The following MLIP variants were observed in gnomAD, a reference collection of about 807,000 sequenced individuals.
MLIP encodes muscular LMNA interacting protein.
A neutral mutation model predicts 84.8 loss-of-function variants in MLIP; 79 were observed. The ratio of observed to expected loss-of-function variants is 0.93; its 90% confidence interval spans 0.78 to 1.12. The LOEUF is 1.12. Ranked by LOEUF, MLIP falls within the 50% of genes most tolerant of loss-of-function variation. MLIP has a pLI of 0.00. For synonymous variants in MLIP, 504 were observed against 463.0 expected (o/e 1.09, Z -1.14); for missense variants, 1,257 against 1,160.6 (o/e 1.08, Z -1.21).
intron 12 of MLIP, among the ~76,000 whole-genome samples, chr6:54,252,612 G>C (rs1437652039): frequency 6.7e-6 from 1 of 149,732 alleles, no homozygotes; most frequent in African/African-American, 2.5e-5. Context: ...CATGATAATA[G>C]GTAACCTCTG....
chr6:54,078,925 A>G (rs534772241), intron 1 of MLIP, among the ~76,000 whole-genome samples: 40 of 152,190 alleles, frequency 2.6e-4, no homozygotes, highest in South Asian at 1.5e-3. Flanking sequence ...TCCTGACCTC[A>G]GGTGATCTGC....
At chr6:54,168,538 A>C (rs1398872081) in intron 8 of MLIP, among the ~76,000 whole-genome samples, 1 of 151,792 alleles carries the variant, frequency 6.6e-6, no homozygotes, top group African/African-American at 2.4e-5. Context: ...GAACTCCTCA[A>C]TGGCAGGACA....
intron 12 of MLIP, among the ~76,000 whole-genome samples, chr6:54,252,088 AATAT>A (rs1271525147): frequency 1.3e-5 from 1 of 77,748 alleles, no homozygotes; most frequent in Admixed American, 2.1e-4. Flanking sequence ...ATATAATATA[AATAT>A]ATATTATAAC....
chr6:54,040,039 A>G (rs1764655820), intron 1 of MLIP, among the ~76,000 whole-genome samples: 1 of 152,014 alleles, frequency 6.6e-6, no homozygotes, highest in Non-Finnish European at 1.5e-5. Flanking sequence ...TGTGTTGAAC[A>G]TTGTAGAATT....
rs1457020245 is a variant in MLIP at position 54,137,472 on chromosome 6, G to T, written c.1403G>T (p.Ser468Ile). 1 of 1,535,946 alleles carries T rather than the reference G, an allele frequency of 6.5e-7. No individual in the cohort carries two copies. Residue 468 changes from serine (S) to isoleucine (I), a missense_variant, in exon 4 of 14, where the codon AGT (serine) becomes ATT (isoleucine). Ser to Ile is a moderately radical substitution (Grantham distance 142). Transcript: ENST00000502396. ...CCCACGCCTAAAAAATCTCTCTCAA[G>T]TTGTTCCCTGAGAGCCGGGTCACCA... ...TPPTPKKSLS[S>I]CSLRAGSPDQ... is the part of the protein sequence containing the mutation.
At chr6:54,185,939 C>A (rs1483828051) in intron 9 of MLIP, among the ~76,000 whole-genome samples, 1 of 152,132 alleles carries the variant, frequency 6.6e-6, no homozygotes, top group African/African-American at 2.4e-5. Flanking sequence ...GCACACTAAC[C>A]TGGCCCACAG....
chr6:54,170,973 AC>A (rs533400511), intron 9 of MLIP, among the ~76,000 whole-genome samples: 224 of 151,172 alleles, frequency 1.5e-3, no homozygotes, highest in African/African-American at 4.9e-3. Context: ...CAAGAGCCAG[AC>A]CCCCCAAAAA....
chr6:54,216,309 T>C (rs761369834), intron 11 of MLIP: 116 of 985,262 alleles, frequency 1.2e-4, no homozygotes, highest in Non-Finnish European at 1.4e-4. Context: ...TATGTTACTT[T>C]TGACTTCTTC....
chr6:54,122,633 T>G (rs757757505), intron 2 of MLIP, among the ~76,000 whole-genome samples: 21 of 152,188 alleles, frequency 1.4e-4, no homozygotes, highest in Non-Finnish European at 2.5e-4. Flanking sequence ...TCAATGCTGC[T>G]ATCTTCTTTC....
intron 11 of MLIP, among the ~76,000 whole-genome samples, chr6:54,208,084 T>G (rs917228955): frequency 6.6e-6 from 1 of 151,936 alleles, no homozygotes; most frequent in Admixed American, 6.6e-5. Flanking sequence ...GCTGAGATCG[T>G]GCCACTGCAC....
intron 11 of MLIP, chr6:54,217,184 A>G (rs1779912734): frequency 9.1e-6 from 9 of 985,296 alleles, no homozygotes; most frequent in Non-Finnish European, 9.6e-6. Flanking sequence ...ACTCAGACAG[A>G]AAACCGCAGC....
At chr6:54,220,440 C>T (rs1780142895) in intron 11 of MLIP, among the ~76,000 whole-genome samples, 1 of 152,116 alleles carries the variant, frequency 6.6e-6, no homozygotes, top group Admixed American at 6.5e-5. Context: ...CCCAATTCAG[C>T]TGGGGATACG....
At chr6:54,143,139 A>G (rs2150503436) in intron 4 of MLIP, among the ~76,000 whole-genome samples, 1 of 151,714 alleles carries the variant, frequency 6.6e-6, no homozygotes, top group African/African-American at 2.4e-5. Context: ...TGATCCTAGT[A>G]ACGGTTCGCA....
In MLIP at chr6:54,138,161, A is replaced by ACCAC. The variant is rs1341924208; in HGVS notation, c.2095_2098dup (p.Pro700HisfsTer38). 4 of 1,536,070 alleles carry ACCAC rather than the reference A, an allele frequency of 2.6e-6. No homozygotes were observed. Among genetic ancestry groups the ACCAC allele is most frequent in the Non-Finnish European group, 3.5e-6 (4 of 1,146,888 alleles). ...TTCAAGACTTGGGAAATCTGAAAGCACCACCCCCAACCACAGGTCACCTGT... is the reference window on the plus strand; with the variant it reads ...TTCAAGACTTGGGAAATCTGAAAGCACCACCCACCCCCAACCACAGGTCACCTGT... On this transcript the variant is annotated frameshift_variant, in exon 4 of 14. Coordinates refer to ENST00000502396, the MANE Select transcript of MLIP (RefSeq NM_001281747.2). LOFTEE classifies it high-confidence loss of function.
intron 10 of MLIP, among the ~76,000 whole-genome samples, chr6:54,200,076 T>C (rs903094172): frequency 2.0e-5 from 3 of 152,172 alleles, no homozygotes; most frequent in African/African-American, 7.2e-5. Flanking sequence ...GAAGCAAATA[T>C]GAAGCATCAG....
At chr6:54,035,422 A>G (rs1764372422) in intron 1 of MLIP, among the ~76,000 whole-genome samples, 1 of 152,136 alleles carries the variant, frequency 6.6e-6, no homozygotes, top group Non-Finnish European at 1.5e-5. Flanking sequence ...GCTGGCACAA[A>G]TATTTGTGTA....
chr6:54,068,892 T>C (rs1766339450), intron 1 of MLIP, among the ~76,000 whole-genome samples: 1 of 101,016 alleles, frequency 9.9e-6, no homozygotes, highest in Non-Finnish European at 2.8e-5. Flanking sequence ...TACCCTCCAC[T>C]GTCTATGTCT....
chr6:54,083,661 C>T (rs1561916366), intron 1 of MLIP: 5 of 1,526,096 alleles, frequency 3.3e-6, no homozygotes, highest in Middle Eastern at 1.7e-4. Context: ...ATACTGTCAC[C>T]CTGTTATACA....
intron 9 of MLIP, among the ~76,000 whole-genome samples, chr6:54,181,707 A>G (rs772213677): frequency 1.8e-4 from 27 of 152,176 alleles, no homozygotes; most frequent in Non-Finnish European, 1.6e-4. Flanking sequence ...TCACTACCCA[A>G]CGGCTCTTTA....
Sources: allele counts gnomAD v4.1 joint callset (sites outside exome capture counted in the v4.1 genomes callset), GRCh38; gene constraint gnomAD v4.1.1; transcripts MANE v1.5; gene names NCBI Gene and HGNC (gene_info 2026-07-23, HGNC 2026-07-21).